Variants in RAB3GAP1 observed in about 807,000 individuals in gnomAD.
RAB3GAP1 encodes RAB3 GTPase activating protein catalytic subunit 1.
In RAB3GAP1, 86 loss-of-function variants were observed where a neutral mutation model predicts 130.7. The ratio of observed to expected loss-of-function variants is 0.66; its 90% confidence interval spans 0.55 to 0.79. The LOEUF (loss-of-function observed/expected upper bound fraction) is 0.79. Among genes scored for constraint, RAB3GAP1 ranks in the 30% least tolerant of loss-of-function variants. The pLI is 0.00. For synonymous variants in RAB3GAP1, 367 were observed against 401.7 expected (o/e 0.91, Z 1.03); for missense variants, 1,029 against 1,169.4 (o/e 0.88, Z 1.75).
chr2:135,126,473 T>TAA (rs1691351973), intron 10 of RAB3GAP1, 110 bp from the exon 11 acceptor site: 1 of 1,127,892 alleles, frequency 8.9e-7, no homozygotes, highest in Non-Finnish European at 1.3e-6. Context: ...TAAGGGAGGC[T>TAA]AAATGGATTG....
chr2:135,126,813 T>A (rs1691363016), intron 11 of RAB3GAP1, among the ~76,000 whole-genome samples, 157 bp downstream of exon 11: 1 of 152,220 alleles, frequency 6.6e-6, no homozygotes. Flanking sequence ...TTTTGAATAG[T>A]GCCAGCAAAT....
intron 6 of RAB3GAP1, among the ~76,000 whole-genome samples, chr2:135,114,036 G>A (rs1373177040): frequency 3.3e-5 from 5 of 152,090 alleles, no homozygotes; most frequent in Non-Finnish European, 5.9e-5. Context: ...AGGTGTAAGC[G>A]ACTGTGCCCA....
intron 17 of RAB3GAP1, among the ~76,000 whole-genome samples, chr2:135,141,015 G>C (rs1167840100): frequency 2.6e-5 from 4 of 151,926 alleles, no homozygotes; most frequent in Admixed American, 6.6e-5. Context: ...GTAGGATCTT[G>C]TGGTTTTACA....
At position 135,065,920 on chromosome 2, in the gene RAB3GAP1, G is replaced by A. The variant is rs112099238; in HGVS notation, c.150+7834G>A. Among the ~76,000 whole-genome samples, 459 of 151,956 alleles carry A rather than the reference G, an allele frequency of 3.0e-3. 3 individuals carry two copies. Among genetic ancestry groups the A allele is most frequent in the African/African-American group, 0.01 (423 of 41,456 alleles). Reference sequence around the variant, plus strand: ...TCAGTAGCTGGGACTACAGGTGTGCGCCACCATGCCCAGCTAATTTTTTTT... The same window carrying A: ...TCAGTAGCTGGGACTACAGGTGTGCACCACCATGCCCAGCTAATTTTTTTT... On this transcript the variant is annotated intron_variant, in intron 3 of 23. Transcript: ENST00000264158.
At chr2:135,154,446 T>C (rs1046795351) in intron 19 of RAB3GAP1, among the ~76,000 whole-genome samples, 1 of 151,980 alleles carries the variant, frequency 6.6e-6, no homozygotes, top group African/African-American at 2.4e-5. Flanking sequence ...GTGAAATCAA[T>C]AAGTAAATAA....
chr2:135,082,760 C>A (rs1030432427), intron 3 of RAB3GAP1, among the ~76,000 whole-genome samples: 1 of 151,952 alleles, frequency 6.6e-6, no homozygotes, highest in African/African-American at 2.4e-5. Context: ...ACTTTTGTAA[C>A]TGGCTTCTTT....
At chr2:135,143,303 A>C (rs1443350353) in intron 17 of RAB3GAP1, among the ~76,000 whole-genome samples, 1 of 151,874 alleles carries the variant, frequency 6.6e-6, no homozygotes, top group Admixed American at 6.6e-5. Flanking sequence ...TTAATTTTTA[A>C]AATTGGCATT....
chr2:135,160,198 A>T (rs1202038058), intron 19 of RAB3GAP1, among the ~76,000 whole-genome samples: 1 of 152,232 alleles, frequency 6.6e-6, no homozygotes, highest in Non-Finnish European at 1.5e-5. Context: ...TGAATACAGT[A>T]TGGAATTTTA....
chr2:135,111,387 A>T (rs1417717581), intron 5 of RAB3GAP1, among the ~76,000 whole-genome samples: 1 of 152,184 alleles, frequency 6.6e-6, no homozygotes, highest in Non-Finnish European at 1.5e-5. Flanking sequence ...TTTTCATAAA[A>T]ATTTGGCAGC....
intron 11 of RAB3GAP1, among the ~76,000 whole-genome samples, chr2:135,127,689 TTG>T (rs1691398185): frequency 6.6e-6 from 1 of 152,056 alleles, no homozygotes. Context: ...TTCTATAGAG[TTG>T]TGTCACATCT....
rs570233802 is a variant in RAB3GAP1, at chr2:135,153,822, A to G, written c.2235A>G (p.Pro745=). The G allele has an allele frequency of 9.9e-6, 16 of 1,614,078 alleles. 1 individual carries two copies. In the African/African-American group the frequency reaches 2.1e-4, roughly 22 times the overall value. ...MWVEAWETAK[P]IPARRQRRLF... ...TAGAAGCCTGGGAAACAGCTAAGCC[A>G]ATTCCTGCTAGAAGGCAAAGGAGAC... The change falls in exon 19 of 24, where the codon CCA becomes CCG. Residue 745 remains proline (P), a synonymous_variant. Coordinates refer to ENST00000264158, the MANE Select transcript of RAB3GAP1 (RefSeq NM_012233.3).
chr2:135,061,479 A>G (rs1689169440), intron 3 of RAB3GAP1, among the ~76,000 whole-genome samples: 1 of 152,094 alleles, frequency 6.6e-6, no homozygotes, highest in Non-Finnish European at 1.5e-5. Flanking sequence ...ATGGGTATGT[A>G]GTTTGTGCTT....
intron 5 of RAB3GAP1, among the ~76,000 whole-genome samples, chr2:135,103,071 T>C (rs1690499119): frequency 8.1e-6 from 1 of 123,848 alleles, no homozygotes; most frequent in Non-Finnish European, 1.6e-5. Flanking sequence ...GGAGTCTCGC[T>C]GTATTGCCAG....
At chr2:135,160,826 AT>A (rs1448333167) in intron 19 of RAB3GAP1, among the ~76,000 whole-genome samples, 2 of 152,124 alleles carry the variant, frequency 1.3e-5, no homozygotes, top group Non-Finnish European at 2.9e-5. Context: ...ATAATAAAAT[AT>A]TTTTAATTTT....
intron 5 of RAB3GAP1, among the ~76,000 whole-genome samples, chr2:135,108,535 C>T (rs1476779055): frequency 9.8e-5 from 14 of 142,882 alleles, no homozygotes; most frequent in South Asian, 4.5e-4. Context: ...TTTTTAGCTT[C>T]GATTATGTTC....
chr2:135,059,163 C>T (rs553794212), intron 3 of RAB3GAP1: 1 of 152,140 alleles, frequency 6.6e-6, no homozygotes, highest in Non-Finnish European at 1.5e-5. Context: ...TGATTTACTA[C>T]ACTACATGTG....
At chr2:135,163,630 A>C (rs562642405) in intron 22 of RAB3GAP1, among the ~76,000 whole-genome samples, 1 of 152,314 alleles carries the variant, frequency 6.6e-6, no homozygotes, top group South Asian at 2.1e-4. Flanking sequence ...TCTCTTTATG[A>C]GACTCGGCAC....
chr2:135,174,134 G>A (rs1692938853), downstream of RAB3GAP1, among the ~76,000 whole-genome samples: 2 of 152,238 alleles, frequency 1.3e-5, no homozygotes, highest in South Asian at 4.1e-4. Context: ...TCTGACAGGT[G>A]GTCATGGATA....
intron 15 of RAB3GAP1, among the ~76,000 whole-genome samples, chr2:135,134,295 GT>G (rs1181670413): frequency 6.6e-6 from 1 of 152,100 alleles, no homozygotes; most frequent in African/African-American, 2.4e-5. Flanking sequence ...ATTGATTACA[GT>G]TTTTCCCCCA....
Sources: gnomAD v4.1 joint callset for allele counts (sites outside exome capture counted in the v4.1 genomes callset) on GRCh38, gnomAD v4.1.1 for gene constraint, MANE v1.5 for transcripts, NCBI Gene and HGNC (gene_info 2026-07-23, HGNC 2026-07-21) for gene names.